THRB: variants seen among roughly 807,000 people sequenced by gnomAD.
The protein encoded by THRB is nuclear receptor subfamily 1 group A member 2.
THRB carries 12 observed loss-of-function variants against 47.8 expected under a neutral mutation model. The observed-to-expected ratio is 0.25, with a 90% CI of 0.16 to 0.41. The LOEUF (loss-of-function observed/expected upper bound fraction) is 0.41, where lower values mean the gene tolerates loss of function less well. Among genes scored for constraint, THRB ranks in the 10% least tolerant of loss-of-function variants. The pLI is 1.00. For missense variants in THRB, 348 were observed against 589.2 expected (o/e 0.59, Z 4.24); for synonymous variants, 218 against 212.2 (o/e 1.03, Z -0.24).
chr3:24,432,097 T>C (rs547685703), intron 1 of THRB, among the ~76,000 whole-genome samples: 1 of 152,200 alleles, frequency 6.6e-6, no homozygotes, highest in African/African-American at 2.4e-5. Context: ...ATATTCTACT[T>C]CCTAAAATGA....
chr3:24,326,940 T>C (rs1266236919), intron 2 of THRB, among the ~76,000 whole-genome samples: 1 of 151,742 alleles, frequency 6.6e-6, no homozygotes, highest in Non-Finnish European at 1.5e-5. Context: ...AATTTTTGTA[T>C]TTGTAGTAGA....
chr3:24,481,809 C>A (rs1696467700), intron 1 of THRB, among the ~76,000 whole-genome samples: 1 of 147,168 alleles, frequency 6.8e-6, no homozygotes. Context: ...CATTGGACTC[C>A]AAGGGACAAA....
At chr3:24,351,079 G>C (rs2063328150) in intron 1 of THRB, among the ~76,000 whole-genome samples, 1 of 150,896 alleles carries the variant, frequency 6.6e-6, no homozygotes, top group Non-Finnish European at 1.5e-5. Flanking sequence ...TTTTTTTCTT[G>C]GTGAAGAATA....
At chr3:24,398,598 G>T (rs933150847) in intron 1 of THRB, among the ~76,000 whole-genome samples, 75 of 152,252 alleles carry the variant, frequency 4.9e-4, no homozygotes, top group Non-Finnish European at 9.0e-4. Context: ...GAGAGGATGT[G>T]GAGAAAAAGG....
At chr3:24,294,102 G>A (rs959870692) in intron 3 of THRB, among the ~76,000 whole-genome samples, 1 of 152,170 alleles carries the variant, frequency 6.6e-6, no homozygotes, top group African/African-American at 2.4e-5. Context: ...TTGAGACTAT[G>A]TTTTAAGAGG....
At chr3:24,373,806 C>T (rs753472694) in intron 1 of THRB, among the ~76,000 whole-genome samples, 4 of 152,124 alleles carry the variant, frequency 2.6e-5, no homozygotes, top group Non-Finnish European at 4.4e-5. Context: ...CTGTAACAAT[C>T]GCTAAGTCTT....
intron 3 of THRB, among the ~76,000 whole-genome samples, chr3:24,284,586 C>A (rs1349971403): frequency 6.6e-6 from 1 of 150,730 alleles, no homozygotes; most frequent in Non-Finnish European, 1.5e-5. Flanking sequence ...CAAATGGGAT[C>A]TAATTAAACT....
chr3:24,319,237 T>G (rs1458362855), intron 2 of THRB, among the ~76,000 whole-genome samples: 2 of 152,176 alleles, frequency 1.3e-5, no homozygotes, highest in Admixed American at 1.3e-4. Flanking sequence ...CCCTATAGCC[T>G]AGCAAATCTT....
At chr3:24,458,553 GT>G (rs1300368171) in intron 1 of THRB, 1 of 152,094 alleles carries the variant, frequency 6.6e-6, no homozygotes, top group Non-Finnish European at 1.5e-5. Context: ...TAATGCACTG[GT>G]TACTAACAAT....
chr3:24,418,006 ATTTG>A (rs1560139204), intron 1 of THRB, among the ~76,000 whole-genome samples: 1 of 151,850 alleles, frequency 6.6e-6, no homozygotes, highest in Non-Finnish European at 1.5e-5. Context: ...TCATGTGACT[ATTTG>A]TTTGAGTTGG....
At chr3:24,492,840 T>A (rs916803338) in intron 1 of THRB, among the ~76,000 whole-genome samples, 1 of 152,248 alleles carries the variant, frequency 6.6e-6, no homozygotes, top group African/African-American at 2.4e-5. Flanking sequence ...TACCTTTGCA[T>A]TGTAATGCCA....
chr3:24,207,448 C>G (rs1174972768), intron 4 of THRB, among the ~76,000 whole-genome samples: 2 of 152,136 alleles, frequency 1.3e-5, no homozygotes, highest in Non-Finnish European at 2.9e-5. Context: ...TTCAACAGCC[C>G]TTCATGCTAA....
chr3:24,205,894 G>C (rs2045284194), intron 4 of THRB, among the ~76,000 whole-genome samples: 1 of 152,158 alleles, frequency 6.6e-6, no homozygotes, highest in African/African-American at 2.4e-5. Flanking sequence ...AAGATCAAAA[G>C]AGACAAAGAA....
At position 24,207,572 on chromosome 3, in the gene THRB, G is replaced by A. The variant is rs370327060; in HGVS notation, c.23-17238C>T. ...TTGTCTCCTTCAGACTGAGCTCCAA[G>A]AAACCCATCACATTACCCAGCTGCA... On this transcript the variant is annotated intron_variant, in intron 4 of 10. Transcript: ENST00000646209. Among the ~76,000 whole-genome samples the A allele has an allele frequency of 2.6e-4, 39 of 152,164 alleles. No homozygotes were observed. The South Asian group carries it at 7.5e-3, about 29-fold the overall frequency.
intron 1 of THRB, among the ~76,000 whole-genome samples, chr3:24,493,145 C>A (rs553052757): frequency 6.6e-6 from 1 of 152,302 alleles, no homozygotes; most frequent in South Asian, 2.1e-4. Flanking sequence ...ATGAAAACAT[C>A]CTAAAAACAT....
chr3:24,217,039 A>G (rs1241421945), intron 4 of THRB, among the ~76,000 whole-genome samples: 1 of 150,624 alleles, frequency 6.6e-6, no homozygotes, highest in Admixed American at 6.6e-5. Context: ...AGTTTTCTCA[A>G]CCCTAAGTAG....
intron 1 of THRB, among the ~76,000 whole-genome samples, chr3:24,466,433 A>G (rs1298716997): frequency 6.6e-6 from 1 of 152,112 alleles, no homozygotes; most frequent in East Asian, 1.9e-4. Context: ...ACTTATTTTC[A>G]AACTACCACC....
chr3:24,357,127 G>A (rs2063722949), intron 1 of THRB, among the ~76,000 whole-genome samples: 1 of 150,340 alleles, frequency 6.7e-6, no homozygotes. Flanking sequence ...AAATGAGGTG[G>A]TATCCTTGAC....
chr3:24,125,905 C>T lies in THRB; in HGVS notation c.1144+1594G>A, dbSNP rs145545953. ...GACAGGAGATTATCCAAGGTGTGAA[C>T]ATTAGGAGGTGGTGGGGAGTGTAGG... On this transcript the variant is annotated intron_variant, in intron 10 of 10. Transcript: ENST00000646209. Among the ~76,000 whole-genome samples the T allele has an allele frequency of 2.4e-3, 359 of 152,208 alleles. 3 individuals are homozygous for T. Among genetic ancestry groups the T allele is most frequent in the Non-Finnish European group, 4.4e-3 (301 of 68,000 alleles).
Sources: gnomAD v4.1 joint callset for allele counts (sites outside exome capture counted in the v4.1 genomes callset) on GRCh38, gnomAD v4.1.1 for gene constraint, MANE v1.5 for transcripts, NCBI Gene and HGNC (gene_info 2026-07-23, HGNC 2026-07-21) for gene names.